The following FILIP1L variants were observed in gnomAD, a reference collection of about 807,000 sequenced individuals.
FILIP1L encodes filamin A interacting protein 1 like.
Under a neutral mutation model 96.6 loss-of-function variants are expected in FILIP1L, and 55 were observed. That is an observed-to-expected ratio of 0.57 (90% CI 0.46 to 0.71). The LOEUF is 0.71. Among genes scored for constraint, FILIP1L ranks in the 30% least tolerant of loss-of-function variants. FILIP1L has a pLI of 0.00. For synonymous variants in FILIP1L, 467 were observed against 473.9 expected (o/e 0.99, Z 0.19); for missense variants, 1,304 against 1,321.2 (o/e 0.99, Z 0.20).
chr3:100,070,801 T>C (rs1021438527), intron 1 of FILIP1L, among the ~76,000 whole-genome samples: 8 of 152,144 alleles, frequency 5.3e-5, no homozygotes, highest in African/African-American at 1.9e-4. Context: ...CTGGCTAATT[T>C]TGTATTTTTA....
intron 1 of FILIP1L, among the ~76,000 whole-genome samples, chr3:99,936,357 G>T (rs1280872850): frequency 1.4e-5 from 2 of 139,104 alleles, no homozygotes; most frequent in Non-Finnish European, 3.1e-5. Context: ...GGAAGGAACT[G>T]AAGCTTGAAG....
intron 1 of FILIP1L, among the ~76,000 whole-genome samples, chr3:100,035,698 ATTT>A (rs2065096666): frequency 6.6e-6 from 1 of 152,228 alleles, no homozygotes; most frequent in Non-Finnish European, 1.5e-5. Flanking sequence ...ATATAGGGGT[ATTT>A]CTTGATTACC....
chr3:100,111,188 A>G (rs1230371803), intron 1 of FILIP1L, among the ~76,000 whole-genome samples: 2 of 152,186 alleles, frequency 1.3e-5, no homozygotes, highest in Non-Finnish European at 2.9e-5. Flanking sequence ...GTAAGGACCT[A>G]GAAGGGCAAT....
intron 1 of FILIP1L, among the ~76,000 whole-genome samples, chr3:99,940,012 C>T (rs1707806874): frequency 6.6e-6 from 1 of 152,196 alleles, no homozygotes; most frequent in South Asian, 2.1e-4. Flanking sequence ...ACAGAATAAA[C>T]AACCACTGAT....
At chr3:100,054,986 T>G (rs2065439958) in intron 1 of FILIP1L, among the ~76,000 whole-genome samples, 2 of 152,148 alleles carry the variant, frequency 1.3e-5, no homozygotes, top group African/African-American at 4.8e-5. Flanking sequence ...CAGAGCCTCT[T>G]TTGGGCCTTC....
chr3:100,072,210 A>G (rs2065774335), intron 1 of FILIP1L, among the ~76,000 whole-genome samples: 1 of 152,222 alleles, frequency 6.6e-6, no homozygotes, highest in Non-Finnish European at 1.5e-5. Context: ...TCATGTGCCA[A>G]AGTCTTTCAG....
chr3:100,103,927 C>T (rs571704710), intron 1 of FILIP1L, among the ~76,000 whole-genome samples: 1 of 152,298 alleles, frequency 6.6e-6, no homozygotes, highest in South Asian at 2.1e-4. Context: ...GAGCACGGGT[C>T]TGCCAAGGTT....
chr3:100,106,820 A>C (rs1296579169), intron 1 of FILIP1L, among the ~76,000 whole-genome samples: 1 of 152,142 alleles, frequency 6.6e-6, no homozygotes, highest in East Asian at 1.9e-4. Flanking sequence ...GTATGTTTTC[A>C]TATGTCTGGA....
At chr3:99,979,651 CCT>C (rs1709063950) in intron 1 of FILIP1L, among the ~76,000 whole-genome samples, 1 of 152,048 alleles carries the variant, frequency 6.6e-6, no homozygotes, top group South Asian at 2.1e-4. Flanking sequence ...TTAAGTATTA[CCT>C]CTATATGTCA....
chr3:99,879,609 G>A (rs1177297001), intron 4 of FILIP1L, among the ~76,000 whole-genome samples: 1 of 152,164 alleles, frequency 6.6e-6, no homozygotes, highest in East Asian at 1.9e-4. Context: ...GTAATTAATA[G>A]GATGTTTCTT....
At chr3:99,832,802 T>G (rs1405496710) in intron 5 of FILIP1L, among the ~76,000 whole-genome samples, 2 of 142,350 alleles carry the variant, frequency 1.4e-5, no homozygotes, top group African/African-American at 5.2e-5. Flanking sequence ...ATCATAGCAT[T>G]GCACTCCAGC....
chr3:99,934,324 C>G (rs1324386861), intron 1 of FILIP1L, among the ~76,000 whole-genome samples: 1 of 152,212 alleles, frequency 6.6e-6, no homozygotes, highest in African/African-American at 2.4e-5. Flanking sequence ...CCCACAGATT[C>G]AGATTTCTGT....
Position 100,114,484 on chromosome 3 carries a change from G to A in FILIP1L, c.-442C>T, listed in dbSNP as rs1424646233. On this transcript the variant is annotated 5_prime_UTR_variant, in exon 1 of 6. The change creates a new upstream start codon in the 5' untranslated region. Transcript: ENST00000477258. The stretch of plus-strand genomic sequence containing the variant: ...ACAAGTAGAGGCAGGCACAGGCTCC[G>A]TGAGCACGTCTGTGTGTGTGTGTGT... 3.2e-5 allele frequency: 5 copies of A among 154,804 alleles called. No homozygotes were observed. The highest frequency in any genetic ancestry group is 6.5e-5 in the Admixed American group (1 of 15,410). 9.6% of individuals were successfully genotyped at this position (154,804 alleles called of 1,614,324 possible).
Position 99,849,490 on chromosome 3 carries a change from T to A in FILIP1L, c.2186A>T (p.Tyr729Phe), listed in dbSNP as rs1284116274. 6.2e-7 allele frequency: 1 copy of A among 1,613,462 alleles called. No homozygotes were observed. Among genetic ancestry groups the A allele is most frequent in the East Asian group, 2.2e-5 (1 of 44,878 alleles). ...ACATATTAGGTCTTCAGTTGCCATG[T>A]ATTCATGAATTTTCTCTTTTAATGC... is the stretch of plus-strand genomic sequence containing the variant. ...VDALKEKIHE[Y>F]MATEDLICHL... Residue 729 changes from tyrosine (Y) to phenylalanine (F), a missense_variant, in exon 5 of 6, where the codon TAC (tyrosine) becomes TTC (phenylalanine). Transcript: ENST00000477258.
intron 1 of FILIP1L, among the ~76,000 whole-genome samples, chr3:100,039,622 G>C (rs751002306): frequency 6.6e-6 from 1 of 152,066 alleles, no homozygotes; most frequent in South Asian, 2.1e-4. Flanking sequence ...GAAAAGCATT[G>C]TCCCTAGAGT....
intron 1 of FILIP1L, among the ~76,000 whole-genome samples, chr3:99,950,054 T>C (rs1051376531): frequency 2.0e-5 from 3 of 152,198 alleles, no homozygotes; most frequent in Admixed American, 6.5e-5. Context: ...CTAAGGAGGA[T>C]TGGGGACAAG....
intron 1 of FILIP1L, among the ~76,000 whole-genome samples, chr3:100,028,933 A>G (rs2064975691): frequency 6.6e-6 from 1 of 152,160 alleles, no homozygotes; most frequent in South Asian, 2.1e-4. Flanking sequence ...ACATAAACAT[A>G]TACATATATA....
chr3:99,943,661 G>C (rs188772272), intron 1 of FILIP1L, among the ~76,000 whole-genome samples: 1 of 151,840 alleles, frequency 6.6e-6, no homozygotes, highest in Non-Finnish European at 1.5e-5. Flanking sequence ...CCGAGATCAC[G>C]CCACTGCACT....
chr3:100,085,474 A>G (rs182005826), intron 1 of FILIP1L, among the ~76,000 whole-genome samples: 8 of 152,320 alleles, frequency 5.3e-5, no homozygotes, highest in East Asian at 3.9e-4. Flanking sequence ...TCTCAAAACC[A>G]TACATCAATC....
Sources: allele counts gnomAD v4.1 joint callset (sites outside exome capture counted in the v4.1 genomes callset), GRCh38; gene constraint gnomAD v4.1.1; transcripts MANE v1.5; gene names NCBI Gene and HGNC (gene_info 2026-07-23, HGNC 2026-07-21).